The following TBC1D31 variants were observed in gnomAD, a reference collection of about 807,000 sequenced individuals.
TBC1D31 encodes WD repeat domain 67.
TBC1D31 carries 99 observed loss-of-function variants against 132.9 expected under a neutral mutation model. The observed-to-expected ratio is 0.74, with a 90% CI of 0.63 to 0.88. TBC1D31 has a LOEUF of 0.88. Among genes scored for constraint, TBC1D31 ranks in the 40% least tolerant of loss-of-function variants. The pLI is 0.00. For missense variants in TBC1D31, 1,134 were observed against 1,256.6 expected, an observed-to-expected ratio of 0.90 and a Z score of 1.48; for synonymous variants, 385 against 419.4, an observed-to-expected ratio of 0.92 and a Z score of 1.00.
chr8:123,129,838 T>C (rs185131363), intron 15 of TBC1D31, among the ~76,000 whole-genome samples: 1 of 152,144 alleles, frequency 6.6e-6, no homozygotes, highest in African/African-American at 2.4e-5. Context: ...TAAAAGTATG[T>C]TAATAAGGTA....
intron 4 of TBC1D31, among the ~76,000 whole-genome samples, chr8:123,091,821 T>G (rs755649295): frequency 6.6e-6 from 1 of 152,210 alleles, no homozygotes; most frequent in Non-Finnish European, 1.5e-5. Context: ...GCTTATGTGA[T>G]AGAAAAATGA....
chr8:123,093,668 A>G lies in TBC1D31; in HGVS notation c.597A>G (p.Thr199=). The G allele has an allele frequency of 2.5e-6, 4 of 1,611,558 alleles. No individual in the cohort carries two copies. The highest frequency in any genetic ancestry group is 3.4e-6 in the Non-Finnish European group (4 of 1,178,174). The change falls in exon 5 of 22, where the codon ACA becomes ACG. Residue 199 remains threonine (T), a synonymous_variant. Transcript: ENST00000287380. ...DNSIFAWECD[T]LFCKYQLPAP... ...CCATTTTTGCCTGGGAATGTGACAC[A>G]CTTTTTTGCAAATATCAATTGCCAG...
intron 10 of TBC1D31, among the ~76,000 whole-genome samples, chr8:123,118,344 A>G (rs955163811): frequency 3.9e-5 from 6 of 152,236 alleles, no homozygotes; most frequent in Non-Finnish European, 8.8e-5. Context: ...GGTCAAAGGT[A>G]TACAATAACT....
chr8:123,153,310 C>T (rs1822903745), downstream of TBC1D31, among the ~76,000 whole-genome samples: 1 of 152,126 alleles, frequency 6.6e-6, no homozygotes, highest in Non-Finnish European at 1.5e-5. Flanking sequence ...AGTTTTTTAC[C>T]TCTATTTCAG....
At chr8:123,147,311 A>G (rs894886551) in intron 20 of TBC1D31, among the ~76,000 whole-genome samples, 1 of 151,824 alleles carries the variant, frequency 6.6e-6, no homozygotes, top group East Asian at 1.9e-4. Context: ...TAGCTGGGAC[A>G]ACAGGCGCCC....
chr8:123,072,895 G>T (rs1374992947), intron 1 of TBC1D31, 49 bp downstream of exon 1: 20 of 1,521,752 alleles, frequency 1.3e-5, no homozygotes, highest in Non-Finnish European at 1.7e-5. Flanking sequence ...ATGGAGACCG[G>T]CGAGGAGGGG....
chr8:123,116,116 G>A (rs1004137556), intron 10 of TBC1D31, among the ~76,000 whole-genome samples: 1 of 152,094 alleles, frequency 6.6e-6, no homozygotes, highest in African/African-American at 2.4e-5. Flanking sequence ...TAGATATGCA[G>A]AGTCTAACAA....
At chr8:123,103,796 C>T (rs1817672176) in intron 7 of TBC1D31, 1 of 152,194 alleles carries the variant, frequency 6.6e-6, no homozygotes, top group African/African-American at 2.4e-5. Context: ...GAGTTCCTTT[C>T]TGCTTGTTAT....
Position 123,105,320 on chromosome 8 carries a change from T to C in TBC1D31, c.1065T>C (p.Asp355=). 2 of 1,587,948 alleles carry C rather than the reference T, an allele frequency of 1.3e-6. No individual in the cohort carries two copies. The highest frequency in any genetic ancestry group is 1.7e-6 in the Non-Finnish European group (2 of 1,166,446). Residue 355 remains aspartate (D), a synonymous_variant, in exon 8 of 22, where the codon GAT becomes GAC. Transcript: ENST00000287380. The part of the protein sequence containing the change: ...PPPPLVKVIE[D]LPKNKLSSSD... ...CGCCTTTAGTGAAAGTTATTGAAGA[T>C]TTGCCCAAGAATAAACTGAGTTCCA...
intron 21 of TBC1D31, 105 bp from the exon 22 acceptor site, chr8:123,151,701 A>G: frequency 1.7e-6 from 2 of 1,197,654 alleles, no homozygotes; most frequent in Non-Finnish European, 1.1e-6. Flanking sequence ...TTAGAATTGC[A>G]TTTCATTATT....
At chr8:123,129,965 T>C (rs1820448342) in intron 15 of TBC1D31, among the ~76,000 whole-genome samples, 1 of 152,190 alleles carries the variant, frequency 6.6e-6, no homozygotes, top group Non-Finnish European at 1.5e-5. Flanking sequence ...TGTAACAGAT[T>C]TATAGTGTGG....
the TBC1D31 span, among the ~76,000 whole-genome samples, chr8:123,157,307 A>C: frequency 4.6e-5 from 7 of 152,158 alleles, no homozygotes; most frequent in African/African-American, 9.7e-5. Flanking sequence ...CGAGGCACCT[A>C]GTAAGGGTTT....
At chr8:123,093,115 T>G (rs1199283581) in intron 4 of TBC1D31, among the ~76,000 whole-genome samples, 2 of 151,710 alleles carry the variant, frequency 1.3e-5, no homozygotes, top group Non-Finnish European at 2.9e-5. Flanking sequence ...CCTGGCCTAA[T>G]TTTTGTATTT....
At chr8:123,141,482 G>A (rs905426283) in intron 18 of TBC1D31, among the ~76,000 whole-genome samples, 21 of 103,084 alleles carry the variant, frequency 2.0e-4, no homozygotes, top group Non-Finnish European at 3.2e-4. Context: ...AATTTCTTAC[G>A]GAGTACACTT....
chr8:123,150,782 A>G (rs2130988933), intron 21 of TBC1D31, among the ~76,000 whole-genome samples: 1 of 152,368 alleles, frequency 6.6e-6, no homozygotes, highest in African/African-American at 2.4e-5. Flanking sequence ...TCTTCCCAGT[A>G]AAGTATATTA....
At chr8:123,083,316 C>CT (rs1164391747) in intron 3 of TBC1D31, 3 of 153,070 alleles carry the variant, frequency 2.0e-5, no homozygotes, top group African/African-American at 7.2e-5. Flanking sequence ...GTTTTCTCTG[C>CT]TTACAAAGAT....
At position 123,126,117 on chromosome 8, in the gene TBC1D31, G is replaced by A. The variant is rs778133349; in HGVS notation, c.1632G>A (p.Met544Ile). ...ATCCTCCTATCAATATTCTTAGCAT[G>A]ATAGAAAATGTTTTGGCATTTCATG... ...FPNPPINILSMIENVLAFHDK... is the reference protein window; with the variant it reads ...FPNPPINILSIIENVLAFHDK... Residue 544 changes from methionine to isoleucine, a missense_variant, in exon 12 of 22, where the codon ATG (methionine) becomes ATA (isoleucine). By Grantham distance (10) the Met-to-Ile change is conservative. Transcript: ENST00000287380. 1.2e-6 allele frequency: 2 copies of A among 1,612,058 alleles called. No individual in the cohort carries two copies. Among genetic ancestry groups the A allele is most frequent in the Admixed American group, 3.3e-5 (2 of 59,820 alleles).
chr8:123,113,140 G>T (rs1818602422), intron 10 of TBC1D31, among the ~76,000 whole-genome samples: 1 of 152,114 alleles, frequency 6.6e-6, no homozygotes, highest in Non-Finnish European at 1.5e-5. Flanking sequence ...TTCTCCTTCT[G>T]TTGACCCCCT....
In TBC1D31 at chr8:123,126,076, T is replaced by C. The variant is rs1434152758; in HGVS notation, c.1591T>C (p.Phe531Leu). ...TLIINWCQHW[F>L]EYFPNPPINI... ...CATAGTCAATTGGTGTCAACACTGG[T>C]TTGAATATTTTCCTAATCCTCCTAT... is the stretch of plus-strand genomic sequence containing the variant. The change falls in exon 12 of 22, where the codon TTT becomes CTT. Residue 531 changes from phenylalanine (F) to leucine (L), a missense_variant. Phe to Leu is a conservative substitution (Grantham distance 22). Coordinates refer to ENST00000287380, the MANE Select transcript of TBC1D31 (RefSeq NM_145647.4). 2 of 1,608,034 alleles carry C rather than the reference T, an allele frequency of 1.2e-6. No individual in the cohort carries two copies. Among genetic ancestry groups the C allele is most frequent in the African/African-American group, 2.7e-5 (2 of 74,780 alleles).
Sources: allele counts gnomAD v4.1 joint callset (sites outside exome capture counted in the v4.1 genomes callset), GRCh38; gene constraint gnomAD v4.1.1; transcripts MANE v1.5; gene names NCBI Gene and HGNC (gene_info 2026-07-23, HGNC 2026-07-21).